CHCHD6: variants seen among roughly 807,000 people sequenced by gnomAD.
The protein encoded by CHCHD6 is MICOS complex subunit MIC25.
A neutral mutation model predicts 32.3 loss-of-function variants in CHCHD6; 28 were observed. That is an observed-to-expected ratio of 0.87 (90% CI 0.64 to 1.19). CHCHD6 has a LOEUF of 1.19. Among genes scored for constraint, CHCHD6 ranks in the 50% most tolerant of loss-of-function variants. The pLI, the probability that CHCHD6 is intolerant of heterozygous loss-of-function variation, is 0.00. For synonymous variants in CHCHD6, 122 were observed against 117.5 expected (o/e 1.04, Z -0.25); for missense variants, 333 against 307.0 (o/e 1.08, Z -0.63).
At chr3:126,799,906 A>T (rs910799525) in intron 4 of CHCHD6, among the ~76,000 whole-genome samples, 6 of 152,170 alleles carry the variant, frequency 3.9e-5, no homozygotes, top group Admixed American at 2.0e-4. Flanking sequence ...ATTTAGCAAA[A>T]CATTGTGGAT....
intron 6 of CHCHD6, among the ~76,000 whole-genome samples, chr3:126,923,565 A>T: frequency 6.6e-6 from 1 of 152,244 alleles, no homozygotes; most frequent in East Asian, 1.9e-4. Context: ...CCTGAACGGT[A>T]CAGGGCCTTA....
At chr3:126,937,209 G>A (rs71327779) in intron 6 of CHCHD6, among the ~76,000 whole-genome samples, 1 of 152,340 alleles carries the variant, frequency 6.6e-6, no homozygotes. Context: ...GTTCTGGCTC[G>A]AGTCCACTGT....
At chr3:126,755,004 T>C (rs2107669707) in intron 4 of CHCHD6, among the ~76,000 whole-genome samples, 1 of 152,156 alleles carries the variant, frequency 6.6e-6, no homozygotes, top group African/African-American at 2.4e-5. Context: ...CCTGATGAAG[T>C]GGGGAGTGTG....
At chr3:126,766,250 A>G (rs1937366034) in intron 4 of CHCHD6, among the ~76,000 whole-genome samples, 1 of 152,182 alleles carries the variant, frequency 6.6e-6, no homozygotes, top group African/African-American at 2.4e-5. Flanking sequence ...GTACTTTGGA[A>G]AGCATACAGA....
chr3:126,912,335 C>T (rs1401888841), intron 5 of CHCHD6, among the ~76,000 whole-genome samples: 3 of 152,108 alleles, frequency 2.0e-5, no homozygotes, highest in South Asian at 2.1e-4. Flanking sequence ...TACCGCCTCG[C>T]CCAGGACAGG....
chr3:126,936,478 ATC>A (rs1051898018), intron 6 of CHCHD6, among the ~76,000 whole-genome samples: 36 of 152,208 alleles, frequency 2.4e-4, no homozygotes, highest in African/African-American at 8.7e-4. Context: ...AAAAAGTAAA[ATC>A]TCTCCTATAA....
chr3:126,856,131 AAAAC>A (rs145194013), intron 5 of CHCHD6, among the ~76,000 whole-genome samples: 3,885 of 152,252 alleles, frequency 0.026, 111 homozygotes, highest in East Asian at 0.14. Context: ...CTAAAAAACA[AAAAC>A]AAACAAACAA....
intron 4 of CHCHD6, among the ~76,000 whole-genome samples, chr3:126,820,534 C>T (rs984141433): frequency 7.9e-5 from 12 of 152,192 alleles, no homozygotes; most frequent in African/African-American, 2.7e-4. Context: ...GAGGTTCACC[C>T]ATGTATTTAG....
intron 4 of CHCHD6, among the ~76,000 whole-genome samples, chr3:126,793,237 T>G (rs894214195): frequency 6.6e-6 from 1 of 152,162 alleles, no homozygotes; most frequent in Non-Finnish European, 1.5e-5. Context: ...TATGTTAGGA[T>G]TCAAGTTTGC....
chr3:126,926,753 G>A (rs538924379), intron 6 of CHCHD6, among the ~76,000 whole-genome samples: 1 of 152,276 alleles, frequency 6.6e-6, no homozygotes, highest in East Asian at 1.9e-4. Flanking sequence ...AGGCTTTTAA[G>A]CAGGGAATTG....
At position 126,789,338 on chromosome 3, in the gene CHCHD6, C is replaced by T. The variant is rs530469504; in HGVS notation, c.411+56116C>T. 6.1e-3 allele frequency among the ~76,000 whole-genome samples: 930 copies of T among 152,222 alleles called. 9 individuals are homozygous for T. Among genetic ancestry groups the T allele is most frequent in the African/African-American group, 0.021 (890 of 41,524 alleles). On this transcript the variant is annotated intron_variant, in intron 4 of 7. Coordinates refer to ENST00000290913, the MANE Select transcript of CHCHD6 (RefSeq NM_032343.3). ...AGAGTTCTGTAGATGTCTATTAGGT[C>T]CACTTGGTGCAGAGCTGAGTTCAAT...
At chr3:126,825,150 G>T (rs1489984661) in intron 4 of CHCHD6, among the ~76,000 whole-genome samples, 3 of 151,722 alleles carry the variant, frequency 2.0e-5, no homozygotes, top group African/African-American at 7.3e-5. Flanking sequence ...AATCTATTTT[G>T]ATTTTTTTTT....
At chr3:126,709,393 A>AT (rs1934648568) in intron 1 of CHCHD6, among the ~76,000 whole-genome samples, 1 of 152,006 alleles carries the variant, frequency 6.6e-6, no homozygotes, top group African/African-American at 2.4e-5. Flanking sequence ...GGGCATTTGA[A>AT]TTTTTTCTAC....
At chr3:126,937,357 G>A (rs1247992201) in intron 6 of CHCHD6, among the ~76,000 whole-genome samples, 4 of 152,202 alleles carry the variant, frequency 2.6e-5, no homozygotes, top group Non-Finnish European at 5.9e-5. Context: ...CCTGGGTGGT[G>A]AAATGTAGAC....
intron 6 of CHCHD6, among the ~76,000 whole-genome samples, chr3:126,956,385 C>G (rs1187938366): frequency 2.0e-5 from 3 of 152,214 alleles, no homozygotes; most frequent in Non-Finnish European, 4.4e-5. Flanking sequence ...ACATCCAAAG[C>G]CATGTAAATA....
intron 6 of CHCHD6, among the ~76,000 whole-genome samples, chr3:126,951,896 G>A (rs1001173742): frequency 6.6e-6 from 1 of 152,200 alleles, no homozygotes; most frequent in Non-Finnish European, 1.5e-5. Flanking sequence ...CTGAGATCTG[G>A]CCTTGCTTTT....
In CHCHD6 at chr3:126,850,675, T is replaced by G. The variant is rs193216193; in HGVS notation, c.412-1972T>G. Among the ~76,000 whole-genome samples, 1,026 of 152,276 alleles carry G rather than the reference T, an allele frequency of 6.7e-3. 10 individuals are homozygous for G. Among genetic ancestry groups the G allele is most frequent in the African/African-American group, 0.023 (967 of 41,556 alleles). On this transcript the variant is annotated intron_variant, in intron 4 of 7. Coordinates refer to ENST00000290913, the MANE Select transcript of CHCHD6 (RefSeq NM_032343.3). ...TTGCCTTCAGATGTCATCTTCCTGC[T>G]TGGCTGGGACTGCTGGTCAAAAAAT... is the stretch of plus-strand genomic sequence containing the variant.
intron 7 of CHCHD6, among the ~76,000 whole-genome samples, chr3:126,959,937 C>T (rs542840470): frequency 6.6e-6 from 1 of 152,302 alleles, no homozygotes; most frequent in African/African-American, 2.4e-5. Context: ...CTGAGCCAGC[C>T]CTGGGAGAGT....
chr3:126,957,348 G>A lies in CHCHD6; in HGVS notation c.567-68G>A, dbSNP rs1057368654. 4.5e-6 allele frequency: 7 copies of A among 1,560,160 alleles called. No homozygotes were observed. The African/African-American group carries it at 5.4e-5, about 12-fold the overall frequency. On this transcript the variant is annotated intron_variant, in intron 6 of 7. Transcript: ENST00000290913. ...CGCCTGGGAGGTAGGTGGAGTGAATGTGAGTTGTTTCTCTCCCCTGCCTGC... is the reference window on the plus strand; with the variant it reads ...CGCCTGGGAGGTAGGTGGAGTGAATATGAGTTGTTTCTCTCCCCTGCCTGC...
Sources: allele counts gnomAD v4.1 joint callset (sites outside exome capture counted in the v4.1 genomes callset), GRCh38; gene constraint gnomAD v4.1.1; transcripts MANE v1.5; gene names NCBI Gene and HGNC (gene_info 2026-07-23, HGNC 2026-07-21).